SPINT2: variants seen among roughly 807,000 people sequenced by gnomAD.
SPINT2 encodes the protein kunitz-type protease inhibitor 2.
Under a neutral mutation model 30.1 loss-of-function variants are expected in SPINT2, and 18 were observed. That is an observed-to-expected ratio of 0.60 (90% CI 0.41 to 0.89). The LOEUF (loss-of-function observed/expected upper bound fraction) is 0.89. SPINT2 is among the 40% of genes least tolerant of loss of function. The probability of loss-of-function intolerance (pLI) is 0.00; values close to 1 mark genes in which losing one functional copy is unlikely to be tolerated. For missense variants in SPINT2, 276 were observed against 334.3 expected (o/e 0.83, Z 1.36); for synonymous variants, 139 against 137.9 (o/e 1.01, Z -0.05).
chr19:38,280,783 GTGT>G lies in SPINT2; in HGVS notation c.107-2838_107-2836del, dbSNP rs1280027936. On this transcript the variant is annotated intron_variant, in intron 1 of 6. Coordinates refer to ENST00000301244, the MANE Select transcript of SPINT2 (RefSeq NM_021102.4). ...CGGGTGGTTCCTGCCTGGGCGCCGG[GTGT>G]TGTTGGGCCCTCCCTCAGGTTATTG... 2.6e-5 allele frequency among the ~76,000 whole-genome samples: 4 copies of G among 152,294 alleles called. No individual in the cohort carries two copies. In the East Asian group the frequency reaches 5.8e-4, roughly 22 times the overall value.
chr19:38,264,637 C>A lies in SPINT2; in HGVS notation c.-256C>A. 5.9e-6 allele frequency: 3 copies of A among 512,216 alleles called. No individual in the cohort carries two copies. Among genetic ancestry groups the A allele is most frequent in the Middle Eastern group, 1.0e-3 (2 of 1,916 alleles). 31.7% of individuals were successfully genotyped at this position (512,216 alleles called of 1,614,324 possible). ...GCGCGGCTCTGAACGCGCTGAGGGCCGTTGAGTGTCGCAGGCGGCGAGGGC... is the reference window on the plus strand; with the variant it reads ...GCGCGGCTCTGAACGCGCTGAGGGCAGTTGAGTGTCGCAGGCGGCGAGGGC... On this transcript the variant is annotated 5_prime_UTR_variant, in exon 1 of 7. Coordinates refer to ENST00000301244, the MANE Select transcript of SPINT2 (RefSeq NM_021102.4).
At chr19:38,269,610 T>C (rs897539671) in intron 1 of SPINT2, among the ~76,000 whole-genome samples, 3 of 143,244 alleles carry the variant, frequency 2.1e-5, no homozygotes, top group Non-Finnish European at 4.6e-5. Flanking sequence ...TTCTTTTCTT[T>C]TTTTTTTTTT....
intron 3 of SPINT2, chr19:38,288,549 A>C: frequency 5.0e-6 from 1 of 201,830 alleles, no homozygotes; most frequent in Non-Finnish European, 1.0e-5. Context: ...GGCAGACCTC[A>C]GGCCATGGAC....
intron 3 of SPINT2, among the ~76,000 whole-genome samples, chr19:38,288,140 G>GC (rs1474046404): frequency 2.6e-5 from 4 of 152,180 alleles, no homozygotes; most frequent in African/African-American, 9.7e-5. Flanking sequence ...TGACACAGGG[G>GC]CCGGGGATCC....
intron 6 of SPINT2, chr19:38,291,430 C>T (rs1968717098): frequency 1.1e-5 from 2 of 175,468 alleles, no homozygotes; most frequent in Non-Finnish European, 2.5e-5. Context: ...TTCTCTATTG[C>T]CGGTCAGCGT....
chr19:38,268,766 C>CGCGCGCGTGTGT (rs375982086), intron 1 of SPINT2, among the ~76,000 whole-genome samples: 1 of 149,818 alleles, frequency 6.7e-6, no homozygotes, highest in African/African-American at 2.5e-5. Flanking sequence ...TGCGCGCGCG[C>CGCGCGCGTGTGT]GTGTGTGTGT....
At chr19:38,266,468 G>A (rs1968380178) in intron 1 of SPINT2, among the ~76,000 whole-genome samples, 2 of 152,048 alleles carry the variant, frequency 1.3e-5, no homozygotes, top group Non-Finnish European at 2.9e-5. Context: ...TGGAGGCCAG[G>A]AGTTCAACAC....
chr19:38,267,562 A>G (rs527456605), intron 1 of SPINT2, among the ~76,000 whole-genome samples: 21 of 150,440 alleles, frequency 1.4e-4, no homozygotes, highest in African/African-American at 4.6e-4. Context: ...GATAGGATGC[A>G]GTGGGTAGTG....
chr19:38,290,419 C>A lies in SPINT2; in HGVS notation c.554-118C>A. ...GCAAGGCCTCTAAGCCCCAGAAAAG[C>A]TGGAAGAAAGCCCCTCAGAAAGAGC... On this transcript the variant is annotated intron_variant, in intron 5 of 6. Transcript: ENST00000301244. This position sits in a 1 kb window ranked among gnomAD's most constrained non-coding sequence, Gnocchi z 4.3. The A allele has an allele frequency of 6.3e-7, 1 of 1,595,368 alleles. No homozygotes were observed. Among genetic ancestry groups the A allele is most frequent in the South Asian group, 1.1e-5 (1 of 89,436 alleles).
chr19:38,270,232 G>A (rs958724350), intron 1 of SPINT2, among the ~76,000 whole-genome samples: 3 of 152,202 alleles, frequency 2.0e-5, no homozygotes, highest in African/African-American at 7.2e-5. Context: ...CTAAAGTAAA[G>A]CTGGTGTTGG....
rs777412780 is a variant in SPINT2 at position 38,291,824 on chromosome 19, C to G, written c.593-16C>G. On this transcript the variant is annotated splice_polypyrimidine_tract_variant and intron_variant, in intron 6 of 6. Transcript: ENST00000301244. ...CCCTTGCCTGGCCCGTCCTGAGGCCCCTCTCTCGTCCTCAGTGGTGGTTCT... is the reference window on the plus strand; with the variant it reads ...CCCTTGCCTGGCCCGTCCTGAGGCCGCTCTCTCGTCCTCAGTGGTGGTTCT... 1 of 1,611,594 alleles carries G rather than the reference C, an allele frequency of 6.2e-7. No homozygotes were observed. Among genetic ancestry groups the G allele is most frequent in the South Asian group, 1.1e-5 (1 of 90,850 alleles).
intron 1 of SPINT2, 115 bp from the exon 2 acceptor site, chr19:38,283,512 A>T: frequency 6.8e-6 from 9 of 1,319,146 alleles, no homozygotes; most frequent in Non-Finnish European, 9.7e-6. Flanking sequence ...CTCACAGGGG[A>T]ACTGCTGGAA....
intron 3 of SPINT2, chr19:38,288,786 C>G: frequency 3.3e-6 from 1 of 301,286 alleles, no homozygotes; most frequent in Non-Finnish European, 6.5e-6. Flanking sequence ...CCTCTGCTAG[C>G]CCCCCCACAC....
intron 2 of SPINT2, among the ~76,000 whole-genome samples, chr19:38,285,618 C>T (rs192259380): frequency 9.9e-5 from 15 of 152,238 alleles, no homozygotes; most frequent in East Asian, 5.8e-4. Context: ...GGATTACAGG[C>T]GTGAGCCACT....
Position 38,264,925 on chromosome 19 carries a change from G to A in SPINT2, c.33G>A (p.Arg11=). MAQLCGLRRS[R]AFLALLGSLL... Reference sequence around the variant, plus strand: ...AGCTGTGCGGGCTGAGGCGGAGCCGGGCGTTTCTCGCCCTGCTGGGATCGC... The same window carrying A: ...AGCTGTGCGGGCTGAGGCGGAGCCGAGCGTTTCTCGCCCTGCTGGGATCGC... Residue 11 remains arginine (R), a synonymous_variant, in exon 1 of 7, where the codon CGG becomes CGA. Coordinates refer to ENST00000301244, the MANE Select transcript of SPINT2 (RefSeq NM_021102.4). 6.5e-7 allele frequency: 1 copy of A among 1,536,174 alleles called. No individual in the cohort carries two copies.
chr19:38,287,593 C>T (rs1413343704), intron 2 of SPINT2, among the ~76,000 whole-genome samples: 2 of 152,230 alleles, frequency 1.3e-5, no homozygotes, highest in Non-Finnish European at 1.5e-5. Flanking sequence ...TCCCAAAGTA[C>T]TGGAATTACA....
At chr19:38,281,059 CG>C (rs1968575656) in intron 1 of SPINT2, among the ~76,000 whole-genome samples, 1 of 152,086 alleles carries the variant, frequency 6.6e-6, no homozygotes, top group Non-Finnish European at 1.5e-5. Context: ...TTGGGTCCCA[CG>C]TGGGTCCTCT....
chr19:38,291,661 G>T, intron 6 of SPINT2, 179 bp from the exon 7 acceptor site: 3 of 720,192 alleles, frequency 4.2e-6, no homozygotes, highest in South Asian at 2.0e-5. Flanking sequence ...GACTCTCCTT[G>T]GTGGCATCTC....
At chr19:38,270,402 T>C (rs1293906569) in intron 1 of SPINT2, among the ~76,000 whole-genome samples, 1 of 152,182 alleles carries the variant, frequency 6.6e-6, no homozygotes, top group Non-Finnish European at 1.5e-5. Context: ...ACCCACCAAT[T>C]GCCAGGCACT....
Sources: gnomAD v4.1 joint callset for allele counts (sites outside exome capture counted in the v4.1 genomes callset) on GRCh38, gnomAD v4.1.1 for gene constraint, Gnocchi (gnomAD v3.1) non-coding constraint, MANE v1.5 for transcripts, NCBI Gene and HGNC (gene_info 2026-07-23, HGNC 2026-07-21) for gene names.